The following PLCE1 variants were observed in gnomAD, a reference collection of about 807,000 sequenced individuals.
The protein encoded by PLCE1 is phospholipase C epsilon 1, also known as 1-phosphatidylinositol 4,5-bisphosphate phosphodiesterase epsilon-1.
In PLCE1, 119 loss-of-function variants were observed where a neutral mutation model predicts 242.8. The observed-to-expected ratio is 0.49, with a 90% confidence interval of 0.42 to 0.57. The LOEUF (loss-of-function observed/expected upper bound fraction) is 0.57, where lower values mean the gene tolerates loss of function less well. Among genes scored for constraint, PLCE1 ranks in the 20% least tolerant of loss-of-function variants. PLCE1 has a pLI of 0.00. For synonymous variants in PLCE1, 945 were observed against 1,017.4 expected, an observed-to-expected ratio of 0.93 and a Z score of 1.35; for missense variants, 2,441 against 2,788.8, an observed-to-expected ratio of 0.88 and a Z score of 2.81.
chr10:94,106,191 C>A (rs1564693320), intron 2 of PLCE1: 1 of 152,164 alleles, frequency 6.6e-6, no homozygotes, highest in African/African-American at 2.4e-5. Context: ...CAATTTTTCA[C>A]CCACTTCAAA....
chr10:94,009,783 G>A (rs942450490), intron 1 of PLCE1, among the ~76,000 whole-genome samples: 2 of 152,248 alleles, frequency 1.3e-5, no homozygotes, highest in African/African-American at 4.8e-5. Context: ...TTGACTCCAT[G>A]TCCCACATTC....
At chr10:94,188,090 C>T (rs1387413894) in intron 4 of PLCE1, among the ~76,000 whole-genome samples, 3 of 152,088 alleles carry the variant, frequency 2.0e-5, no homozygotes, top group African/African-American at 7.2e-5. Flanking sequence ...CACCATAATT[C>T]ATGTTATAGT....
chr10:94,325,088 C>G lies in PLCE1; in HGVS notation c.*8C>G. The G allele has an allele frequency of 1.2e-6, 2 of 1,613,096 alleles. No homozygotes were observed. The highest frequency in any genetic ancestry group is 1.7e-6 in the Non-Finnish European group (2 of 1,179,062). On this transcript the variant is annotated 3_prime_UTR_variant, in exon 32 of 33. Coordinates refer to ENST00000371380, the MANE Select transcript of PLCE1 (RefSeq NM_016341.4). ...ATGGATTACCGACAGTGACTAAGGG[C>G]AGCATGTTTAACCCAGGTATAGTAA...
At chr10:93,998,079 C>T (rs1191119757) in intron 1 of PLCE1, among the ~76,000 whole-genome samples, 2 of 152,194 alleles carry the variant, frequency 1.3e-5, no homozygotes, top group South Asian at 2.1e-4. Flanking sequence ...CTGACTCAGT[C>T]GGAAGTCTTT....
rs191728828 is a variant in PLCE1 at position 94,200,132 on chromosome 10, A to G, written c.1810-27174A>G. The stretch of plus-strand genomic sequence containing the variant: ...ACATATATAAACAAGTTAGTATAAC[A>G]TACATATATTCCCTTGCTCTGTCAT... On this transcript the variant is annotated intron_variant, in intron 4 of 32. Coordinates refer to ENST00000371380, the MANE Select transcript of PLCE1 (RefSeq NM_016341.4). 4.2e-3 allele frequency among the ~76,000 whole-genome samples: 634 copies of G among 152,354 alleles called. 9 individuals are homozygous for G. The highest frequency in any genetic ancestry group is 0.015 in the African/African-American group (606 of 41,582).
rs766634074 is a variant in PLCE1, at chr10:94,329,742, C to T, written c.*1799C>T. 2.9e-5 allele frequency: 4 copies of T among 137,340 alleles called. No homozygotes were observed. The highest frequency in any genetic ancestry group is 8.4e-5 in the Admixed American group (1 of 11,872). The allele number at this position is 137,340 out of a possible 1,614,324, so 8.5% of individuals were successfully genotyped here. A position where few individuals can be genotyped will look rare whatever the true frequency, so the allele number is the denominator to read the frequency against. ...GCAGTGAGCCAAGATCGCACCACCA[C>T]GCTCCAGCCTGGTGACAGAGCGAGA... On this transcript the variant is annotated 3_prime_UTR_variant, in exon 33 of 33. Coordinates refer to ENST00000371380, the MANE Select transcript of PLCE1 (RefSeq NM_016341.4).
chr10:94,207,574 C>T (rs540662712), intron 4 of PLCE1, among the ~76,000 whole-genome samples: 40 of 149,524 alleles, frequency 2.7e-4, no homozygotes, highest in Non-Finnish European at 4.6e-4. Context: ...TTTTTTCAAG[C>T]TCTGTCTGTC....
chr10:94,242,158 A>G (rs1241252935), intron 7 of PLCE1, among the ~76,000 whole-genome samples: 10 of 152,194 alleles, frequency 6.6e-5, no homozygotes. Flanking sequence ...AGTGTTACCG[A>G]GAGCAATTTC....
At chr10:94,136,109 T>G (rs1025780090) in intron 3 of PLCE1, among the ~76,000 whole-genome samples, 1 of 151,904 alleles carries the variant, frequency 6.6e-6, no homozygotes, top group Non-Finnish European at 1.5e-5. Context: ...TTAAACGGAG[T>G]TGGTAAAGGT....
intron 3 of PLCE1, among the ~76,000 whole-genome samples, chr10:94,132,724 G>A (rs527560143): frequency 6.6e-6 from 1 of 151,618 alleles, no homozygotes; most frequent in African/African-American, 2.4e-5. Flanking sequence ...GCCAAGGCGG[G>A]CGGATCACAA....
chr10:94,286,334 T>C (rs2052446081), intron 22 of PLCE1, among the ~76,000 whole-genome samples: 1 of 152,122 alleles, frequency 6.6e-6, no homozygotes, highest in African/African-American at 2.4e-5. Flanking sequence ...CATTGGGCTA[T>C]TTAAAAATTA....
intron 3 of PLCE1, among the ~76,000 whole-genome samples, chr10:94,150,967 T>C (rs1319546983): frequency 1.3e-5 from 2 of 152,168 alleles, no homozygotes; most frequent in African/African-American, 2.4e-5. Context: ...GAGCTGTCCA[T>C]GGTCAGCTGT....
intron 2 of PLCE1, among the ~76,000 whole-genome samples, chr10:94,062,464 C>T (rs569898871): frequency 6.6e-6 from 1 of 151,978 alleles, no homozygotes; most frequent in East Asian, 1.9e-4. Flanking sequence ...CTTTTTGTGC[C>T]TATTTTATTG....
intron 22 of PLCE1, 108 bp downstream of exon 22, chr10:94,285,073 T>C: frequency 1.4e-6 from 1 of 722,564 alleles, no homozygotes. Context: ...TAAATTGTGT[T>C]GCTGAAATCA....
In PLCE1 at chr10:94,032,308, A is replaced by C. The variant is rs2061575770; in HGVS notation, c.1206+56A>C. 5.2e-6 allele frequency: 8 copies of C among 1,534,198 alleles called. 1 individual carries two copies. The South Asian group carries it at 9.0e-5, about 17-fold the overall frequency. On this transcript the variant is annotated intron_variant, in intron 2 of 32. Coordinates refer to ENST00000371380, the MANE Select transcript of PLCE1 (RefSeq NM_016341.4). ...TTTAAACTTGCTTTTTTTTTCAAAA[A>C]AAAGTCCAAATTTCCATTGTCATAA...
chr10:94,182,021 A>G (rs1227307689), intron 4 of PLCE1, among the ~76,000 whole-genome samples: 1 of 124,394 alleles, frequency 8.0e-6, no homozygotes, highest in Non-Finnish European at 1.6e-5. Flanking sequence ...CATCAGTCAC[A>G]GCAGTACTCA....
chr10:94,283,539 T>C (rs2052326432), intron 20 of PLCE1: 1 of 376,202 alleles, frequency 2.7e-6, no homozygotes, highest in African/African-American at 2.1e-5. Flanking sequence ...CCAGATTATT[T>C]TGAATCATTT....
At position 94,179,512 on chromosome 10, in the gene PLCE1, G is replaced by GTTTTTTTTTT. The variant is rs1554877545; in HGVS notation, c.1809+8025_1809+8034dup. 3.6e-4 allele frequency among the ~76,000 whole-genome samples: 7 copies of GTTTTTTTTTT among 19,392 alleles called. 1 individual carries two copies. The highest frequency in any genetic ancestry group is 4.1e-4 in the Non-Finnish European group (4 of 9,710). The allele number at this position is 19,392 out of a possible 152,430, so 12.7% of individuals were successfully genotyped here. A position where few individuals can be genotyped will look rare whatever the true frequency, so the allele number is the denominator to read the frequency against. ...TTTATCTTATTTTTATTTTAGTTTAGTTTTTTTTTTTTTTTTTTGACAGGG... is the reference window on the plus strand; with the variant it reads ...TTTATCTTATTTTTATTTTAGTTTAGTTTTTTTTTTTTTTTTTTTTTTTTTTTTGACAGGG... On this transcript the variant is annotated intron_variant, in intron 4 of 32. Transcript: ENST00000371380.
At chr10:94,059,546 T>G (rs2043992283) in intron 2 of PLCE1, among the ~76,000 whole-genome samples, 1 of 152,076 alleles carries the variant, frequency 6.6e-6, no homozygotes, top group Non-Finnish European at 1.5e-5. Context: ...AAGTTTTACC[T>G]CTAAATTTTA....
Sources: gnomAD v4.1 joint callset for allele counts (sites outside exome capture counted in the v4.1 genomes callset) on GRCh38, gnomAD v4.1.1 for gene constraint, MANE v1.5 for transcripts, NCBI Gene and HGNC (gene_info 2026-07-23, HGNC 2026-07-21) for gene names.